The following MIPEP variants were observed in gnomAD, a reference collection of about 807,000 sequenced individuals.
MIPEP encodes the protein mitochondrial intermediate peptidase.
MIPEP carries 79 observed loss-of-function variants against 90.3 expected under a neutral mutation model. The ratio of observed to expected loss-of-function variants is 0.87; its 90% CI spans 0.73 to 1.05. The LOEUF (loss-of-function observed/expected upper bound fraction) is 1.05. MIPEP is among the 50% of genes least tolerant of loss of function. The pLI is 0.00. For missense variants in MIPEP, 940 were observed against 905.6 expected (o/e 1.04, Z -0.49); for synonymous variants, 334 against 315.8 (o/e 1.06, Z -0.61).
intron 16 of MIPEP, among the ~76,000 whole-genome samples, chr13:23,761,806 T>C (rs1204323335): frequency 6.6e-6 from 1 of 152,236 alleles, no homozygotes; most frequent in Admixed American, 6.5e-5. Flanking sequence ...TCTGTCTTTA[T>C]CTGACATAAA....
At chr13:23,756,123 T>G (rs1050116218) in intron 18 of MIPEP, among the ~76,000 whole-genome samples, 5 of 152,212 alleles carry the variant, frequency 3.3e-5, no homozygotes, top group African/African-American at 1.2e-4. Context: ...TAGAACACAA[T>G]GCACAGCTAA....
At chr13:23,772,633 G>T (rs1000121126) in intron 16 of MIPEP, among the ~76,000 whole-genome samples, 3 of 152,164 alleles carry the variant, frequency 2.0e-5, no homozygotes, top group Non-Finnish European at 2.9e-5. Flanking sequence ...AATGTTAAAA[G>T]GATCTGTGGT....
At chr13:23,840,303 T>G (rs1869237968) in intron 11 of MIPEP, among the ~76,000 whole-genome samples, 1 of 152,186 alleles carries the variant, frequency 6.6e-6, no homozygotes, top group African/African-American at 2.4e-5. Flanking sequence ...GCTTTAAAAC[T>G]ACCTGCAAGT....
intron 4 of MIPEP, 124 bp downstream of exon 4, chr13:23,879,144 A>C: frequency 7.3e-6 from 5 of 687,806 alleles, no homozygotes; most frequent in African/African-American, 1.8e-5. Flanking sequence ...CAGGAGTCAT[A>C]GAGATACCTG....
chr13:23,854,618 G>T (rs1368597608), intron 10 of MIPEP, among the ~76,000 whole-genome samples: 1 of 152,070 alleles, frequency 6.6e-6, no homozygotes, highest in Non-Finnish European at 1.5e-5. Context: ...TTGGCAGGGT[G>T]TGGTGGCTCA....
At chr13:23,842,297 G>A (rs1869331164) in intron 10 of MIPEP, 1 of 151,620 alleles carries the variant, frequency 6.6e-6, no homozygotes, top group Non-Finnish European at 1.5e-5. Context: ...TTCTAGAACT[G>A]CACAACACTT....
intron 16 of MIPEP, among the ~76,000 whole-genome samples, chr13:23,782,892 C>A (rs1162650336): frequency 6.6e-6 from 1 of 152,158 alleles, no homozygotes; most frequent in Non-Finnish European, 1.5e-5. Context: ...TACACTCTCC[C>A]AAGACTAAAC....
intron 18 of MIPEP, among the ~76,000 whole-genome samples, chr13:23,732,708 T>C (rs1330841619): frequency 2.6e-5 from 4 of 152,186 alleles, no homozygotes; most frequent in African/African-American, 9.6e-5. Context: ...GTTCAAAAAG[T>C]TAGTCAAACC....
At chr13:23,779,788 A>G (rs1322070892) in intron 16 of MIPEP, among the ~76,000 whole-genome samples, 1 of 152,232 alleles carries the variant, frequency 6.6e-6, no homozygotes, top group Non-Finnish European at 1.5e-5. Flanking sequence ...CGGTCTTAGC[A>G]AACGGCACAC....
Position 23,881,688 on chromosome 13 carries a change from A to C in MIPEP, c.452+11T>G. On this transcript the variant is annotated intron_variant, in intron 3 of 18. Coordinates refer to ENST00000382172, the MANE Select transcript of MIPEP (RefSeq NM_005932.4). ...ACTTGGCATGGAGGTGGGGAGGGGA[A>C]CAGCACATACTTCTCTACCATGGTG... 1 of 1,607,440 alleles carries C rather than the reference A, an allele frequency of 6.2e-7. No homozygotes were observed. Among genetic ancestry groups the C allele is most frequent in the Non-Finnish European group, 8.5e-7 (1 of 1,174,204 alleles).
chr13:23,781,684 A>G (rs1357770234), intron 16 of MIPEP, among the ~76,000 whole-genome samples: 1 of 152,240 alleles, frequency 6.6e-6, no homozygotes, highest in East Asian at 1.9e-4. Context: ...GTCAAGACCC[A>G]TCAGTGTGCT....
chr13:23,748,349 T>C (rs1435655328), intron 18 of MIPEP, among the ~76,000 whole-genome samples: 1 of 152,230 alleles, frequency 6.6e-6, no homozygotes. Flanking sequence ...GCTGTGAACA[T>C]GACAGTCAGT....
intron 16 of MIPEP, among the ~76,000 whole-genome samples, chr13:23,799,966 CT>C (rs1953014995): frequency 6.6e-6 from 1 of 152,130 alleles, no homozygotes. Context: ...TCAGAACTTT[CT>C]TATTCTGTTT....
intron 14 of MIPEP, among the ~76,000 whole-genome samples, chr13:23,824,259 C>CA (rs1026508027): frequency 3.3e-5 from 5 of 152,190 alleles, no homozygotes; most frequent in Non-Finnish European, 7.3e-5. Context: ...AATAACATTA[C>CA]ATTAAAAGTT....
intron 14 of MIPEP, among the ~76,000 whole-genome samples, chr13:23,835,193 G>C (rs1386059306): frequency 1.3e-5 from 2 of 151,808 alleles, no homozygotes; most frequent in Non-Finnish European, 2.9e-5. Flanking sequence ...GCTAACTTTT[G>C]TATTTTTAGT....
At chr13:23,736,871 A>G (rs1404383879) in intron 18 of MIPEP, among the ~76,000 whole-genome samples, 1 of 152,224 alleles carries the variant, frequency 6.6e-6, no homozygotes, top group Non-Finnish European at 1.5e-5. Context: ...TTCACAAGTA[A>G]GAAAACAGAA....
intron 3 of MIPEP, 73 bp from the exon 4 acceptor site, chr13:23,879,427 G>T: frequency 1.2e-6 from 1 of 814,622 alleles, no homozygotes; most frequent in Admixed American, 1.9e-5. Context: ...TGAAAAGAAT[G>T]GTGTCAGCTT....
At position 23,765,178 on chromosome 13, in the gene MIPEP, T is replaced by C. The variant is rs116967864; in HGVS notation, c.1849-4961A>G. Reference sequence around the variant, plus strand: ...CACAGGACTTGAACATGCTCAGATTTTGGTATCCATGCTCGGGGGGTGGGT... The same window carrying C: ...CACAGGACTTGAACATGCTCAGATTCTGGTATCCATGCTCGGGGGGTGGGT... On this transcript the variant is annotated intron_variant, in intron 16 of 18. Coordinates refer to ENST00000382172, the MANE Select transcript of MIPEP (RefSeq NM_005932.4). 9.7e-3 allele frequency among the ~76,000 whole-genome samples: 1,470 copies of C among 152,242 alleles called. 9 individuals carry two copies. Among genetic ancestry groups the C allele is most frequent in the Non-Finnish European group, 0.014 (951 of 67,996 alleles).
At chr13:23,814,759 A>C (rs1953215089) in intron 14 of MIPEP, among the ~76,000 whole-genome samples, 1 of 152,214 alleles carries the variant, frequency 6.6e-6, no homozygotes, top group Admixed American at 6.5e-5. Context: ...ATATCCAATT[A>C]ATCAAGAAAT....
Sources: allele counts gnomAD v4.1 joint callset (sites outside exome capture counted in the v4.1 genomes callset), GRCh38; gene constraint gnomAD v4.1.1; transcripts MANE v1.5; gene names NCBI Gene and HGNC (gene_info 2026-07-23, HGNC 2026-07-21).